Variants in CFDP1 observed in about 807,000 individuals in gnomAD.
The protein encoded by CFDP1 is heterochromatin-stabilizing protein CFDP1.
In CFDP1, 31 loss-of-function variants were observed where a neutral mutation model predicts 40.1. The ratio of observed to expected loss-of-function variants is 0.77; its 90% CI spans 0.58 to 1.04. CFDP1 has a LOEUF of 1.04. Among genes scored for constraint, CFDP1 ranks in the 50% least tolerant of loss-of-function variants. CFDP1 has a pLI of 0.00. For synonymous variants in CFDP1, 167 were observed against 120.0 expected, an observed-to-expected ratio of 1.39 and a Z score of -2.56; for missense variants, 423 against 343.4, an observed-to-expected ratio of 1.23 and a Z score of -1.83.
chr16:75,419,747 T>C (rs1018177089), intron 1 of CFDP1, among the ~76,000 whole-genome samples: 1 of 152,090 alleles, frequency 6.6e-6, no homozygotes, highest in African/African-American at 2.4e-5. Context: ...CCATGACAGC[T>C]TACAAATGCC....
chr16:75,426,966 A>G (rs1469485139), intron 1 of CFDP1, among the ~76,000 whole-genome samples: 1 of 151,742 alleles, frequency 6.6e-6, no homozygotes, highest in East Asian at 2.0e-4. Flanking sequence ...GAGGCAGGAG[A>G]ATCGCTTGAA....
intron 5 of CFDP1, among the ~76,000 whole-genome samples, chr16:75,369,215 G>T (rs867783036): frequency 1.9e-4 from 29 of 152,168 alleles, no homozygotes; most frequent in Middle Eastern, 3.4e-3. Flanking sequence ...AGGCATAGGA[G>T]AAATTATTTT....
At chr16:75,338,887 C>T (rs1471665824) in intron 5 of CFDP1, among the ~76,000 whole-genome samples, 2 of 152,170 alleles carry the variant, frequency 1.3e-5, no homozygotes, top group Non-Finnish European at 2.9e-5. Context: ...TACCAGAAGA[C>T]TCTGATGCCA....
chr16:75,388,571 G>T (rs1284897297), intron 5 of CFDP1, among the ~76,000 whole-genome samples: 2 of 152,190 alleles, frequency 1.3e-5, no homozygotes, highest in African/African-American at 4.8e-5. Context: ...GATGAAGAGG[G>T]AAGGTAGTGG....
intron 5 of CFDP1, among the ~76,000 whole-genome samples, chr16:75,357,120 C>T (rs985133550): frequency 7.2e-5 from 11 of 151,936 alleles, no homozygotes; most frequent in African/African-American, 1.7e-4. Context: ...GCCATGTTGG[C>T]GAGGCTGGTC....
At chr16:75,334,009 T>A (rs991199630) in intron 5 of CFDP1, among the ~76,000 whole-genome samples, 2 of 152,148 alleles carry the variant, frequency 1.3e-5, no homozygotes, top group African/African-American at 4.8e-5. Context: ...CTTCAGTGAC[T>A]GAGACACAGA....
At chr16:75,299,664 G>A (rs1415509131) in intron 6 of CFDP1, among the ~76,000 whole-genome samples, 2 of 152,088 alleles carry the variant, frequency 1.3e-5, no homozygotes, top group Non-Finnish European at 2.9e-5. Flanking sequence ...TAGCTAGTGG[G>A]ATGGGTGTTT....
chr16:75,309,160 C>T (rs538090916), intron 5 of CFDP1, among the ~76,000 whole-genome samples: 1 of 152,172 alleles, frequency 6.6e-6, no homozygotes, highest in Non-Finnish European at 1.5e-5. Context: ...TGTGGGCTCC[C>T]TCAGGGTTCT....
intron 5 of CFDP1, among the ~76,000 whole-genome samples, chr16:75,326,420 CAGAA>C: frequency 6.6e-6 from 1 of 152,290 alleles, no homozygotes; most frequent in Middle Eastern, 3.4e-3. Flanking sequence ...CAGAATCTGC[CAGAA>C]AGAATTAATT....
At chr16:75,299,356 G>A (rs896882539) in intron 6 of CFDP1, among the ~76,000 whole-genome samples, 2 of 151,998 alleles carry the variant, frequency 1.3e-5, no homozygotes, top group Non-Finnish European at 2.9e-5. Context: ...GGGAGGCTGA[G>A]GTGGGTGGAT....
intron 5 of CFDP1, among the ~76,000 whole-genome samples, chr16:75,341,894 T>C (rs923039759): frequency 6.6e-6 from 1 of 152,214 alleles, no homozygotes; most frequent in African/African-American, 2.4e-5. Flanking sequence ...TCAAAAGACC[T>C]AGGTCTTTCG....
intron 5 of CFDP1, among the ~76,000 whole-genome samples, chr16:75,350,533 TAC>T (rs977201707): frequency 5.3e-5 from 8 of 152,206 alleles, no homozygotes; most frequent in South Asian, 2.1e-4. Context: ...TTTAAATTAT[TAC>T]AGACATTTAA....
rs572527729 is a variant in CFDP1 at position 75,337,177 on chromosome 16, G to A, written c.651-31995C>T. ...CAGGTACTACTCTGCTCGCTGATGC[G>A]AATGATCCAGCTGAAAGGGAGAAGA... On this transcript the variant is annotated intron_variant, in intron 5 of 6. Coordinates refer to ENST00000283882, the MANE Select transcript of CFDP1 (RefSeq NM_006324.3). 4.1e-4 allele frequency among the ~76,000 whole-genome samples: 63 copies of A among 152,338 alleles called. 1 individual carries two copies. The highest frequency in any genetic ancestry group is 1.2e-3 in the Admixed American group (19 of 15,298).
intron 6 of CFDP1, among the ~76,000 whole-genome samples, chr16:75,294,487 C>T (rs1042813108): frequency 2.0e-5 from 3 of 152,050 alleles, no homozygotes; most frequent in Non-Finnish European, 4.4e-5. Flanking sequence ...AAAGCTAGGC[C>T]TCCTGCATAC....
intron 5 of CFDP1, among the ~76,000 whole-genome samples, chr16:75,369,538 T>A (rs1380274864): frequency 1.3e-5 from 2 of 152,210 alleles, no homozygotes; most frequent in Admixed American, 1.3e-4. Flanking sequence ...TATTCTCCAA[T>A]AATCTAAACA....
chr16:75,433,398 C>G lies in CFDP1; in HGVS notation c.-46G>C. The G allele has an allele frequency of 6.5e-7, 1 of 1,544,544 alleles. No homozygotes were observed. Among genetic ancestry groups the G allele is most frequent in the Admixed American group, 1.9e-5 (1 of 52,942 alleles). On this transcript the variant is annotated 5_prime_UTR_variant, in exon 1 of 7. Transcript: ENST00000283882. ...GTCAAACTCACAAGACCGCAGCAGC[C>G]GCCTCCAACGGCAAAGCTCTAGGGA...
intron 5 of CFDP1, among the ~76,000 whole-genome samples, chr16:75,343,818 A>G (rs1287422987): frequency 2.6e-5 from 4 of 152,190 alleles, no homozygotes; most frequent in African/African-American, 7.2e-5. Flanking sequence ...ATTTCCTAAG[A>G]AGGCAAAGAA....
At chr16:75,345,663 T>C (rs892012890) in intron 5 of CFDP1, among the ~76,000 whole-genome samples, 3 of 152,002 alleles carry the variant, frequency 2.0e-5, no homozygotes, top group Non-Finnish European at 2.9e-5. Context: ...GAAAAGAACA[T>C]CCCAAAGTCT....
chr16:75,304,989 G>C (rs201076573), intron 6 of CFDP1, 35 bp downstream of exon 6: 2 of 1,602,190 alleles, frequency 1.2e-6, no homozygotes, highest in Admixed American at 1.7e-5. Context: ...AGGGTTCTGA[G>C]GATTTTCCAA....
Sources: allele counts gnomAD v4.1 joint callset (sites outside exome capture counted in the v4.1 genomes callset), GRCh38; gene constraint gnomAD v4.1.1; transcripts MANE v1.5; gene names NCBI Gene and HGNC (gene_info 2026-07-23, HGNC 2026-07-21).